The following MIPOL1 variants were observed in gnomAD, a reference collection of about 807,000 sequenced individuals.
MIPOL1 encodes the protein mirror-image polydactyly 1.
In MIPOL1, 57 loss-of-function variants were observed where a neutral mutation model predicts 60.9. That is an observed-to-expected ratio of 0.94 (90% CI 0.76 to 1.17). MIPOL1 has a LOEUF of 1.17. Ranked by LOEUF, MIPOL1 falls within the 50% of genes most tolerant of loss-of-function variation. The pLI is 0.00. For missense variants in MIPOL1, 551 were observed against 511.6 expected, an observed-to-expected ratio of 1.08 and a Z score of -0.74; for synonymous variants, 179 against 168.8, an observed-to-expected ratio of 1.06 and a Z score of -0.47.
In MIPOL1 at chr14:37,291,483, GT is replaced by G. The variant is rs558238840; in HGVS notation, c.623+6040del. On this transcript the variant is annotated intron_variant, in intron 7 of 12. Coordinates refer to ENST00000684589, the MANE Select transcript of MIPOL1 (RefSeq NM_001388067.1). ...TTTGATTCTCAACTTACTTCCTTAA[GT>G]TTTATATTTCTCTTTTCACTTTATT... Among the ~76,000 whole-genome samples the G allele has an allele frequency of 1.3e-4, 20 of 151,906 alleles. 1 individual carries two copies. The South Asian group carries it at 4.2e-3, about 32-fold the overall frequency.
chr14:37,482,219 C>A (rs2094881964), intron 11 of MIPOL1, among the ~76,000 whole-genome samples: 1 of 152,090 alleles, frequency 6.6e-6, no homozygotes, highest in Non-Finnish European at 1.5e-5. Context: ...AGGCACTCAA[C>A]TCAATAGCAA....
At chr14:37,215,447 A>G (rs1967485466) in intron 1 of MIPOL1, among the ~76,000 whole-genome samples, 1 of 152,098 alleles carries the variant, frequency 6.6e-6, no homozygotes, top group Non-Finnish European at 1.5e-5. Context: ...GCTGGTCGCT[A>G]CAGCTCATGG....
chr14:37,391,824 T>C (rs1450177104), intron 10 of MIPOL1, among the ~76,000 whole-genome samples: 1 of 152,134 alleles, frequency 6.6e-6, no homozygotes, highest in Non-Finnish European at 1.5e-5. Flanking sequence ...ATAGCATTAC[T>C]GGAGAAGTGA....
chr14:37,268,682 T>C lies in MIPOL1; in HGVS notation c.276T>C (p.Asp92=), dbSNP rs1459105139. The change falls in exon 5 of 13, where the codon GAT becomes GAC. Residue 92 remains aspartate (D), a synonymous_variant. Coordinates refer to ENST00000684589, the MANE Select transcript of MIPOL1 (RefSeq NM_001388067.1). ...GCGTTATGGAACATAGACATAATGA[T>C]ATGCATTATGAATGTATGACTCCTT... is the stretch of plus-strand genomic sequence containing the variant. The part of the protein sequence containing the change: ...KYNVMEHRHN[D]MHYECMTPCQ... The C allele has an allele frequency of 4.4e-6, 7 of 1,594,540 alleles. No individual in the cohort carries two copies. The highest frequency in any genetic ancestry group is 1.3e-5 in the African/African-American group (1 of 74,090).
At chr14:37,370,402 A>G (rs893049068) in intron 10 of MIPOL1, among the ~76,000 whole-genome samples, 3 of 128,150 alleles carry the variant, frequency 2.3e-5, no homozygotes, top group Non-Finnish European at 3.3e-5. Flanking sequence ...AAAGAAATCC[A>G]TGAGAAACAG....
At chr14:37,426,451 C>A (rs2153554944) in intron 11 of MIPOL1, among the ~76,000 whole-genome samples, 1 of 150,732 alleles carries the variant, frequency 6.6e-6, no homozygotes, top group Middle Eastern at 3.4e-3. Flanking sequence ...CACCTGTAAT[C>A]CCAGCTACTC....
At chr14:37,269,414 T>A (rs2083120233) in intron 5 of MIPOL1, among the ~76,000 whole-genome samples, 1 of 152,138 alleles carries the variant, frequency 6.6e-6, no homozygotes, top group South Asian at 2.1e-4. Context: ...CATACTGCTC[T>A]GATTTTAATA....
intron 11 of MIPOL1, among the ~76,000 whole-genome samples, chr14:37,450,689 C>T (rs1444882534): frequency 1.3e-5 from 2 of 152,014 alleles, no homozygotes; most frequent in Non-Finnish European, 2.9e-5. Flanking sequence ...TTTTCTCTTT[C>T]GTTTTTCCCC....
At chr14:37,324,580 C>A (rs1279571262) in intron 9 of MIPOL1, among the ~76,000 whole-genome samples, 1 of 151,994 alleles carries the variant, frequency 6.6e-6, no homozygotes, top group African/African-American at 2.4e-5. Context: ...TTGATGACAT[C>A]TAATTTATCA....
At chr14:37,532,157 T>C (rs1239268698) in intron 12 of MIPOL1, among the ~76,000 whole-genome samples, 1 of 152,194 alleles carries the variant, frequency 6.6e-6, no homozygotes, top group African/African-American at 2.4e-5. Flanking sequence ...TTATATAAAT[T>C]GTTAACAGTA....
At chr14:37,353,251 G>A (rs1184850961) in intron 9 of MIPOL1, among the ~76,000 whole-genome samples, 13 of 141,740 alleles carry the variant, frequency 9.2e-5, no homozygotes, top group Non-Finnish European at 1.8e-4. Flanking sequence ...TCCCAGGGAT[G>A]AAGCCCACTT....
At chr14:37,216,232 A>T (rs1469915519) in intron 1 of MIPOL1, among the ~76,000 whole-genome samples, 1 of 152,196 alleles carries the variant, frequency 6.6e-6, no homozygotes, top group South Asian at 2.1e-4. Context: ...GCAAGAGGAT[A>T]TAACAATTTA....
intron 6 of MIPOL1, among the ~76,000 whole-genome samples, chr14:37,283,947 G>A (rs1313459836): frequency 6.6e-6 from 1 of 151,978 alleles, no homozygotes; most frequent in East Asian, 1.9e-4. Context: ...GCCCTTACTG[G>A]ACGGATATTC....
At chr14:37,478,552 G>A (rs2094813010) in intron 11 of MIPOL1, among the ~76,000 whole-genome samples, 1 of 151,934 alleles carries the variant, frequency 6.6e-6, no homozygotes, top group African/African-American at 2.4e-5. Context: ...CAAAATGGCA[G>A]TAGTCTTTAC....
Position 37,500,113 on chromosome 14 carries a change from C to G in MIPOL1, c.1237C>G (p.Gln413Glu). 6.2e-7 allele frequency: 1 copy of G among 1,606,882 alleles called. No homozygotes were observed. Among genetic ancestry groups the G allele is most frequent in the Non-Finnish European group, 8.5e-7 (1 of 1,176,704 alleles). The change falls in exon 12 of 13, where the codon CAA becomes GAA. Residue 413 changes from glutamine (Q) to glutamate (E), a missense_variant. Physicochemically the swap from Gln to Glu is conservative, Grantham distance 29. Transcript: ENST00000684589. ...ACTTCAACATGCCAGAGAGGCCTCCCAAGTGGCCAATGAAAAAGTTCAAAA... is the reference window on the plus strand; with the variant it reads ...ACTTCAACATGCCAGAGAGGCCTCCGAAGTGGCCAATGAAAAAGTTCAAAA... ...LQLQHAREAS[Q>E]VANEKVQKLE...
At chr14:37,393,486 A>G (rs2093300355) in intron 10 of MIPOL1, among the ~76,000 whole-genome samples, 1 of 151,598 alleles carries the variant, frequency 6.6e-6, no homozygotes, top group African/African-American at 2.4e-5. Flanking sequence ...ACTTGTTGCA[A>G]CATACATATA....
At chr14:37,457,040 A>AT (rs2094484117) in intron 11 of MIPOL1, among the ~76,000 whole-genome samples, 1 of 152,182 alleles carries the variant, frequency 6.6e-6, no homozygotes, top group African/African-American at 2.4e-5. Flanking sequence ...TTGATAATTT[A>AT]TTTTAGAGCT....
intron 7 of MIPOL1, among the ~76,000 whole-genome samples, chr14:37,306,133 T>G (rs936942743): frequency 3.3e-5 from 5 of 151,902 alleles, no homozygotes; most frequent in Admixed American, 3.3e-4. Context: ...ACAATTATCT[T>G]AAACCTTTCC....
chr14:37,257,001 A>G (rs1975047906), intron 3 of MIPOL1, among the ~76,000 whole-genome samples: 1 of 151,748 alleles, frequency 6.6e-6, no homozygotes, highest in Admixed American at 6.6e-5. Flanking sequence ...CTAACAAGGG[A>G]CTAGTTTAGC....
Sources: gnomAD v4.1 joint callset for allele counts (sites outside exome capture counted in the v4.1 genomes callset) on GRCh38, gnomAD v4.1.1 for gene constraint, MANE v1.5 for transcripts, NCBI Gene and HGNC (gene_info 2026-07-23, HGNC 2026-07-21) for gene names.